Variants in RPAIN observed in about 807,000 individuals in gnomAD.
The protein encoded by RPAIN is RPA-interacting protein.
A neutral mutation model predicts 30.5 loss-of-function variants in RPAIN; 29 were observed. That is an observed-to-expected ratio of 0.95 (90% CI 0.71 to 1.30). RPAIN has a LOEUF of 1.30. Among genes scored for constraint, RPAIN ranks in the 50% most tolerant of loss-of-function variants. The pLI, the probability that RPAIN is intolerant of heterozygous loss-of-function variation, is 0.00. For synonymous variants in RPAIN, 101 were observed against 93.5 expected (o/e 1.08, Z -0.46); for missense variants, 247 against 264.7 (o/e 0.93, Z 0.46).
rs1452450786 is a variant in RPAIN at position 5,421,532 on chromosome 17, T to C, written c.252+66T>C. 3 of 1,475,802 alleles carry C rather than the reference T, an allele frequency of 2.0e-6. No homozygotes were observed. In the South Asian group the frequency reaches 3.7e-5, roughly 18 times the overall value. The allele number at this position is 1,475,802 out of a possible 1,614,324, so 91.4% of individuals were successfully genotyped here. ...CACCAAGAACGGCTCGTGTCCTCTT[T>C]TATTTGTTTACTTGAGTCCTCTAAA... On this transcript the variant is annotated intron_variant, in intron 2 of 6. Coordinates refer to ENST00000381209, the MANE Select transcript of RPAIN (RefSeq NM_001033002.4).
At chr17:5,425,920 A>G (rs1247169367) in intron 3 of RPAIN, 51 bp from the exon 4 acceptor site, 1 of 1,225,148 alleles carries the variant, frequency 8.2e-7, no homozygotes, top group Non-Finnish European at 1.2e-6. Context: ...AGAATTAAAT[A>G]CAGGGCCAGC....
rs568157402 is a variant in RPAIN at position 5,420,355 on chromosome 17, C to T, written c.81+64C>T. On this transcript the variant is annotated intron_variant, in intron 1 of 6. Transcript: ENST00000381209. ...TCCCGGTGACCGCCGTCTTCCCTGCCTTCGCCTTAGCCCTGCTCCGTGGAG... is the reference window on the plus strand; with the variant it reads ...TCCCGGTGACCGCCGTCTTCCCTGCTTTCGCCTTAGCCCTGCTCCGTGGAG... 3.5e-6 allele frequency: 5 copies of T among 1,434,596 alleles called. No individual in the cohort carries two copies. In the African/African-American group the frequency reaches 5.6e-5, roughly 16 times the overall value. 88.9% of individuals were successfully genotyped at this position (1,434,596 alleles called of 1,614,324 possible).
chr17:5,424,239 C>A (rs1337798272), intron 3 of RPAIN, among the ~76,000 whole-genome samples: 1 of 151,978 alleles, frequency 6.6e-6, no homozygotes, highest in African/African-American at 2.4e-5. Context: ...GTGATCCCCC[C>A]ACCTCAGCCT....
At chr17:5,426,137 G>T in intron 4 of RPAIN, 55 bp downstream of exon 4, 1 of 1,544,734 alleles carries the variant, frequency 6.5e-7, no homozygotes, top group Non-Finnish European at 9.0e-7. Context: ...CCACTCCAAG[G>T]TGAGTGGAAT....
chr17:5,432,766 G>A lies in RPAIN; in HGVS notation c.*195G>A. Reference sequence around the variant, plus strand: ...GGTTGAAGGGGGAGGAATAGAAAAAGACAAACTGCCTTGGAGGAGATAAAC... The same window carrying A: ...GGTTGAAGGGGGAGGAATAGAAAAAAACAAACTGCCTTGGAGGAGATAAAC... On this transcript the variant is annotated 3_prime_UTR_variant, in exon 7 of 7. Transcript: ENST00000381209. 1.3e-6 allele frequency: 1 copy of A among 762,280 alleles called. No individual in the cohort carries two copies. Among genetic ancestry groups the A allele is most frequent in the Non-Finnish European group, 2.0e-6 (1 of 497,010 alleles). The allele number at this position is 762,280 out of a possible 1,614,324, so 47.2% of individuals were successfully genotyped here. A position where few individuals can be genotyped will look rare whatever the true frequency, so the allele number is the denominator to read the frequency against.
intron 3 of RPAIN, among the ~76,000 whole-genome samples, chr17:5,423,975 ATTATT>A (rs1317480316): frequency 6.7e-6 from 1 of 148,188 alleles, no homozygotes; most frequent in Non-Finnish European, 1.5e-5. Flanking sequence ...AAGACAAAAA[ATTATT>A]TTATTTATGT....
rs936554097 is a variant in RPAIN at position 5,422,627 on chromosome 17, G to A, written c.253-142G>A. 4.8e-5 allele frequency: 32 copies of A among 667,870 alleles called. No homozygotes were observed. In the South Asian group the frequency reaches 6.0e-4, roughly 13 times the overall value. The allele number at this position is 667,870 out of a possible 1,614,324, so 41.4% of individuals were successfully genotyped here. A position where few individuals can be genotyped will look rare whatever the true frequency, so the allele number is the denominator to read the frequency against. On this transcript the variant is annotated intron_variant, in intron 2 of 6. Transcript: ENST00000381209. ...GTCAGCATGACAGCATTACCCCACT[G>A]TCAGCATATTCTGCAGGAGGACTGG...
chr17:5,428,755 A>G, intron 6 of RPAIN: 5 of 1,011,548 alleles, frequency 4.9e-6, no homozygotes, highest in Non-Finnish European at 5.9e-6. Flanking sequence ...TCCTTTCCAT[A>G]TATGTGTATG....
chr17:5,429,189 G>A (rs931429009), intron 6 of RPAIN: 3 of 985,296 alleles, frequency 3.0e-6, no homozygotes, highest in Admixed American at 6.1e-5. Context: ...GGGCTTATGG[G>A]AGTTCAGAGG....
At chr17:5,428,509 T>G in intron 6 of RPAIN, 1 of 1,382,502 alleles carries the variant, frequency 7.2e-7, no homozygotes, top group Non-Finnish European at 9.4e-7. Flanking sequence ...AGCTGGTCAT[T>G]TCATAGTCAT....
chr17:5,425,206 G>A (rs575228314), intron 3 of RPAIN: 2 of 408,170 alleles, frequency 4.9e-6, no homozygotes, highest in East Asian at 8.1e-5. Context: ...TTTCATCTTT[G>A]TGCCCCTGTG....
At position 5,428,199 on chromosome 17, in the gene RPAIN, C is replaced by T; in HGVS notation, c.618C>T (p.Leu206=). ...TGGTEEKSSL[L]MSCLACDTWA... is the part of the protein sequence containing the mutation. Reference sequence around the variant, plus strand: ...GAACAGAAGAAAAGTCCAGTCTTCTCATGAGCTGTCTGGTAAGCGTCTCCT... The same window carrying T: ...GAACAGAAGAAAAGTCCAGTCTTCTTATGAGCTGTCTGGTAAGCGTCTCCT... Residue 206 remains leucine (L), a synonymous_variant, in exon 6 of 7, where the codon CTC becomes CTT. Coordinates refer to ENST00000381209, the MANE Select transcript of RPAIN (RefSeq NM_001033002.4). 4 of 1,614,216 alleles carry T rather than the reference C, an allele frequency of 2.5e-6. No homozygotes were observed. Among genetic ancestry groups the T allele is most frequent in the East Asian group, 2.2e-5 (1 of 44,888 alleles).
At chr17:5,426,568 C>A in intron 5 of RPAIN, 1 of 406,126 alleles carries the variant, frequency 2.5e-6, no homozygotes, top group Non-Finnish European at 4.5e-6. Context: ...ATTGGTAACG[C>A]CTGTATCTGA....
rs1182985694 is a variant in RPAIN at position 5,421,329 on chromosome 17, A to G, written c.115A>G (p.Arg39Gly). Residue 39 changes from arginine to glycine, a missense_variant, in exon 2 of 7, where the codon AGG becomes GGG. By Grantham distance (125) the Arg-to-Gly change is moderately radical (BLOSUM62 -2). Coordinates refer to ENST00000381209, the MANE Select transcript of RPAIN (RefSeq NM_001033002.4). The stretch of plus-strand genomic sequence containing the variant: ...GGAGAGAATGAGAAACAGCCGGGAC[A>G]GGCTCCTAAACAGGTACCGCCAGGC... Reference protein sequence around the residue: ...CLERMRNSRDRLLNRYRQAGS... With the variant: ...CLERMRNSRDGLLNRYRQAGS... 2 of 1,613,800 alleles carry G rather than the reference A, an allele frequency of 1.2e-6. No individual in the cohort carries two copies. The highest frequency in any genetic ancestry group is 1.7e-6 in the Non-Finnish European group (2 of 1,179,936).
chr17:5,431,754 C>T (rs906941850), intron 6 of RPAIN: 6 of 419,404 alleles, frequency 1.4e-5, no homozygotes, highest in Admixed American at 5.3e-5. Flanking sequence ...TCGGATGTGG[C>T]GGTGCTCAAG....
At chr17:5,431,521 T>C (rs1480369927) in intron 6 of RPAIN, 4 of 427,178 alleles carry the variant, frequency 9.4e-6, no homozygotes, top group Admixed American at 5.2e-5. Context: ...AAAGACAAAA[T>C]TGTATTCTGT....
At chr17:5,426,167 C>T in intron 4 of RPAIN, 69 bp from the exon 5 acceptor site, 1 of 1,581,314 alleles carries the variant, frequency 6.3e-7, no homozygotes, top group Non-Finnish European at 8.7e-7. Context: ...GATTTGTTGC[C>T]TGAAATTCAA....
At chr17:5,422,692 C>T in intron 2 of RPAIN, 77 bp from the exon 3 acceptor site, 1 of 1,376,678 alleles carries the variant, frequency 7.3e-7, no homozygotes, top group Non-Finnish European at 1.0e-6. Flanking sequence ...TCAAGCCAGC[C>T]TCCAAGTATG....
chr17:5,427,905 G>T (rs1195635175), intron 5 of RPAIN, 166 bp from the exon 6 acceptor site: 7 of 687,718 alleles, frequency 1.0e-5, no homozygotes, highest in Non-Finnish European at 1.5e-5. Flanking sequence ...AAATGGAGAT[G>T]GGTTAAGAGA....
Sources: allele counts gnomAD v4.1 joint callset (sites outside exome capture counted in the v4.1 genomes callset), GRCh38; gene constraint gnomAD v4.1.1; transcripts MANE v1.5; gene names NCBI Gene and HGNC (gene_info 2026-07-23, HGNC 2026-07-21).